The following CNTN4 variants were observed in gnomAD, a reference collection of about 807,000 sequenced individuals.
CNTN4 encodes contactin-4.
CNTN4 carries 77 observed loss-of-function variants against 122.5 expected under a neutral mutation model. The ratio of observed to expected loss-of-function variants is 0.63; its 90% CI spans 0.52 to 0.76. The LOEUF (loss-of-function observed/expected upper bound fraction) is 0.76. Ranked by LOEUF, CNTN4 falls within the 30% of genes least tolerant of loss-of-function variation. CNTN4 has a pLI of 0.00. For synonymous variants in CNTN4, 512 were observed against 447.0 expected, an observed-to-expected ratio of 1.15 and a Z score of -1.83; for missense variants, 1,256 against 1,259.1, an observed-to-expected ratio of 1.00 and a Z score of 0.04.
Position 2,347,795 on chromosome 3 carries a change from A to ATT in CNTN4, c.-89+8572_-89+8573dup, listed in dbSNP as rs63386961. Among the ~76,000 whole-genome samples, 114 of 150,746 alleles carry ATT rather than the reference A, an allele frequency of 7.6e-4. 1 individual carries two copies. Among genetic ancestry groups the ATT allele is most frequent in the African/African-American group, 2.3e-3 (93 of 40,940 alleles). On this transcript the variant is annotated intron_variant, in intron 3 of 24. Coordinates refer to ENST00000418658, the MANE Select transcript of CNTN4 (RefSeq NM_175607.3). The stretch of plus-strand genomic sequence containing the variant: ...CACTGCACGGCTACTCCAAATGTTC[A>ATT]TTTTTTTTTTTAATTTCAATTTCTT...
intron 14 of CNTN4, among the ~76,000 whole-genome samples, chr3:3,025,126 C>T (rs1698619234): frequency 6.6e-6 from 1 of 152,096 alleles, no homozygotes; most frequent in African/African-American, 2.4e-5. Context: ...TTTATGAAAT[C>T]ATGTTGCAGA....
chr3:2,703,905 A>G (rs2086498661), intron 4 of CNTN4, among the ~76,000 whole-genome samples: 1 of 152,184 alleles, frequency 6.6e-6, no homozygotes, highest in Non-Finnish European at 1.5e-5. Context: ...TAAAGAAAGC[A>G]GGAAAAAGGA....
chr3:2,140,074 C>T (rs1224054697), intron 2 of CNTN4, among the ~76,000 whole-genome samples: 2 of 152,138 alleles, frequency 1.3e-5, no homozygotes. Flanking sequence ...CTGCACAAGC[C>T]CTCTTGCCTG....
chr3:2,185,171 T>C (rs1319554542), intron 2 of CNTN4, among the ~76,000 whole-genome samples: 2 of 152,174 alleles, frequency 1.3e-5, no homozygotes, highest in African/African-American at 2.4e-5. Context: ...TTGCTGACTT[T>C]TGTTTTCTCT....
intron 23 of CNTN4, among the ~76,000 whole-genome samples, chr3:3,049,984 G>A (rs1316537372): frequency 6.6e-6 from 1 of 152,168 alleles, no homozygotes; most frequent in East Asian, 1.9e-4. Flanking sequence ...CTGAGACTGG[G>A]CAATTAATAT....
chr3:2,647,149 G>T (rs901323068), intron 4 of CNTN4, among the ~76,000 whole-genome samples: 1 of 152,110 alleles, frequency 6.6e-6, no homozygotes, highest in Non-Finnish European at 1.5e-5. Flanking sequence ...GGGAAGCCAG[G>T]GTGGGCGGAT....
intron 3 of CNTN4, among the ~76,000 whole-genome samples, chr3:2,411,225 G>A (rs2047215758): frequency 1.3e-5 from 2 of 152,204 alleles, no homozygotes; most frequent in Non-Finnish European, 2.9e-5. Context: ...TGCATGCAGG[G>A]CTTAATACTT....
In CNTN4 at chr3:2,285,439, A is replaced by G. The variant is rs1346396476; in HGVS notation, c.-144-53739A>G. ...TTATTGTGAAAAGGAAACACTTAAG[A>G]TTGCATTGGAGCATTGGGATACCTC... On this transcript the variant is annotated intron_variant, in intron 2 of 24. Coordinates refer to ENST00000418658, the MANE Select transcript of CNTN4 (RefSeq NM_175607.3). 1.1e-4 allele frequency among the ~76,000 whole-genome samples: 16 copies of G among 152,074 alleles called. 1 individual carries two copies. The highest frequency in any genetic ancestry group is 1.0e-3 in the Admixed American group (16 of 15,262).
intron 7 of CNTN4, among the ~76,000 whole-genome samples, chr3:2,845,050 A>G (rs1465759307): frequency 6.6e-6 from 1 of 152,244 alleles, no homozygotes; most frequent in Admixed American, 6.5e-5. Flanking sequence ...AATATTATAT[A>G]AACTAATGAA....
chr3:2,146,877 G>A, intron 2 of CNTN4, among the ~76,000 whole-genome samples: 1 of 151,884 alleles, frequency 6.6e-6, no homozygotes, highest in African/African-American at 2.4e-5. Flanking sequence ...ATAGTTTTTT[G>A]TTGTTGTTTT....
chr3:2,352,339 C>T (rs1053140945), intron 3 of CNTN4, among the ~76,000 whole-genome samples: 1 of 152,208 alleles, frequency 6.6e-6, no homozygotes, highest in Admixed American at 6.5e-5. Flanking sequence ...GGGAGCCCCT[C>T]TCTGGGCTGG....
chr3:2,603,319 G>C (rs1344898032), intron 4 of CNTN4, among the ~76,000 whole-genome samples: 1 of 152,034 alleles, frequency 6.6e-6, no homozygotes, highest in Non-Finnish European at 1.5e-5. Flanking sequence ...TTTTTTCTTT[G>C]ATTCAGAAGG....
chr3:2,604,234 G>C (rs1332160135), intron 4 of CNTN4, among the ~76,000 whole-genome samples: 2 of 152,132 alleles, frequency 1.3e-5, no homozygotes, highest in Non-Finnish European at 2.9e-5. Context: ...GCTTCATTAT[G>C]CTAATCTGTT....
At chr3:2,526,981 A>G (rs1290081261) in intron 3 of CNTN4, among the ~76,000 whole-genome samples, 1 of 152,166 alleles carries the variant, frequency 6.6e-6, no homozygotes, top group Non-Finnish European at 1.5e-5. Flanking sequence ...GAACTCAGAC[A>G]CATACCATTA....
chr3:2,711,809 A>C (rs908113356), intron 4 of CNTN4, among the ~76,000 whole-genome samples: 3 of 152,204 alleles, frequency 2.0e-5, no homozygotes, highest in African/African-American at 7.2e-5. Context: ...ATTCCAGTTC[A>C]TTCTATAATA....
intron 7 of CNTN4, among the ~76,000 whole-genome samples, chr3:2,836,852 A>G (rs1304272930): frequency 6.6e-6 from 1 of 152,154 alleles, no homozygotes; most frequent in Non-Finnish European, 1.5e-5. Flanking sequence ...CCATCATGGC[A>G]CATATATATC....
chr3:2,986,508 C>T (rs1323915235), intron 13 of CNTN4, among the ~76,000 whole-genome samples: 4 of 152,200 alleles, frequency 2.6e-5, no homozygotes, highest in Non-Finnish European at 5.9e-5. Context: ...AGTCATAGAT[C>T]TGGACCGGGT....
At chr3:3,024,925 T>A (rs1698603319) in intron 14 of CNTN4, among the ~76,000 whole-genome samples, 1 of 152,148 alleles carries the variant, frequency 6.6e-6, no homozygotes, top group Non-Finnish European at 1.5e-5. Flanking sequence ...TGGGAGAGGA[T>A]TAGTCAGTGT....
chr3:2,595,476 G>A (rs766630186), intron 4 of CNTN4, among the ~76,000 whole-genome samples: 24 of 152,134 alleles, frequency 1.6e-4, no homozygotes, highest in Non-Finnish European at 2.5e-4. Flanking sequence ...CCACCTAAAG[G>A]TGTGGCAGGA....
Sources: allele counts gnomAD v4.1 joint callset (sites outside exome capture counted in the v4.1 genomes callset), GRCh38; gene constraint gnomAD v4.1.1; transcripts MANE v1.5; gene names NCBI Gene and HGNC (gene_info 2026-07-23, HGNC 2026-07-21).